The following MLF1 variants were observed in gnomAD, a reference collection of about 807,000 sequenced individuals.
MLF1 encodes myeloid leukemia factor 1.
In MLF1, 37 loss-of-function variants were observed where a neutral mutation model predicts 38.3. That is an observed-to-expected ratio of 0.96 (90% CI 0.74 to 1.27). The LOEUF (loss-of-function observed/expected upper bound fraction) is 1.27, where lower values mean the gene tolerates loss of function less well. MLF1 is among the 50% of genes most tolerant of loss of function. The pLI is 0.00. For missense variants in MLF1, 331 were observed against 349.2 expected (o/e 0.95, Z 0.42); for synonymous variants, 95 against 106.5 (o/e 0.89, Z 0.66).
chr3:158,579,001 C>A (rs1483269576), intron 1 of MLF1, among the ~76,000 whole-genome samples: 1 of 152,120 alleles, frequency 6.6e-6, no homozygotes, highest in Non-Finnish European at 1.5e-5. Flanking sequence ...TAAAGCATGA[C>A]TTTAGAGTCT....
chr3:158,584,409 T>C (rs182623478), intron 1 of MLF1, among the ~76,000 whole-genome samples: 1 of 152,260 alleles, frequency 6.6e-6, no homozygotes, highest in East Asian at 1.9e-4. Context: ...ATCAAAACTC[T>C]GGAGGAATAT....
At chr3:158,593,170 A>G (rs1718408167) in intron 2 of MLF1, among the ~76,000 whole-genome samples, 1 of 152,144 alleles carries the variant, frequency 6.6e-6, no homozygotes, top group South Asian at 2.1e-4. Flanking sequence ...ATATATTGTA[A>G]CCATTTTCTT....
intron 1 of MLF1, among the ~76,000 whole-genome samples, chr3:158,589,293 C>T (rs996930662): frequency 1.3e-5 from 2 of 152,006 alleles, no homozygotes; most frequent in African/African-American, 4.8e-5. Context: ...CTCATCACAA[C>T]CTCCACTTCC....
intron 1 of MLF1, among the ~76,000 whole-genome samples, chr3:158,575,671 G>T (rs1715319338): frequency 6.6e-6 from 1 of 152,104 alleles, no homozygotes; most frequent in Non-Finnish European, 1.5e-5. Context: ...TAACATTGTG[G>T]TGGGTGGGTC....
At position 158,602,803 on chromosome 3, in the gene MLF1, A is replaced by G. The variant is rs1322189436; in HGVS notation, c.614-4A>G. On this transcript the variant is annotated splice_region_variant and splice_polypyrimidine_tract_variant and intron_variant, in intron 6 of 7. Coordinates refer to ENST00000466246, the MANE Select transcript of MLF1 (RefSeq NM_001369783.1). ...TATTCCCATTATTTTTCTGTTTGAC[A>G]TAGGTGATGCTCATGCTTTTGATGA... 25 of 1,612,562 alleles carry G rather than the reference A, an allele frequency of 1.6e-5. No homozygotes were observed. The highest frequency in any genetic ancestry group is 2.1e-5 in the Non-Finnish European group (25 of 1,179,480).
At chr3:158,591,109 G>A (rs1454532260) in intron 1 of MLF1, 1 of 513,394 alleles carries the variant, frequency 1.9e-6, no homozygotes, top group Non-Finnish European at 3.9e-6. Context: ...GAATTTTTGA[G>A]CTTCCTCCTT....
rs199674283 is a variant in MLF1, at chr3:158,597,274, AT to A, written c.324+330del. ...AAATTTTTTAAAAATTGGAAAAAAA[AT>A]AACCTCAAAAACATTGATTCTATTG... On this transcript the variant is annotated intron_variant, in intron 4 of 7. Coordinates refer to ENST00000466246, the MANE Select transcript of MLF1 (RefSeq NM_001369783.1). 8.0e-3 allele frequency among the ~76,000 whole-genome samples: 1,222 copies of A among 152,196 alleles called. 20 individuals carry two copies. Among genetic ancestry groups the A allele is most frequent in the African/African-American group, 0.027 (1,102 of 41,542 alleles).
intron 1 of MLF1, among the ~76,000 whole-genome samples, chr3:158,580,469 A>G (rs1716167262): frequency 6.6e-6 from 1 of 152,148 alleles, no homozygotes; most frequent in African/African-American, 2.4e-5. Flanking sequence ...CGTGTGTACT[A>G]TTGATCTGTA....
intron 1 of MLF1, chr3:158,573,574 A>C (rs1016948204): frequency 1.3e-5 from 2 of 151,982 alleles, no homozygotes; most frequent in African/African-American, 4.8e-5. Flanking sequence ...AACTTTGGCC[A>C]TTGTTACAAA....
intron 7 of MLF1, 118 bp from the exon 8 acceptor site, chr3:158,604,979 A>C: frequency 1.3e-6 from 1 of 775,250 alleles, no homozygotes; most frequent in Non-Finnish European, 2.0e-6. Flanking sequence ...AAAGCCATTA[A>C]GGAATTTTTA....
intron 7 of MLF1, among the ~76,000 whole-genome samples, chr3:158,604,446 G>A (rs141768021): frequency 2.0e-4 from 30 of 152,262 alleles, no homozygotes; most frequent in African/African-American, 6.7e-4. Flanking sequence ...GCCACATGTG[G>A]CTGTTGATTC....
chr3:158,587,701 T>C (rs1184622668), intron 1 of MLF1, among the ~76,000 whole-genome samples: 1 of 152,210 alleles, frequency 6.6e-6, no homozygotes, highest in Non-Finnish European at 1.5e-5. Flanking sequence ...AAATTACATT[T>C]TTAAAAGAGC....
At chr3:158,585,504 A>T (rs1358515181) in intron 1 of MLF1, among the ~76,000 whole-genome samples, 2 of 152,210 alleles carry the variant, frequency 1.3e-5, no homozygotes, top group East Asian at 3.8e-4. Context: ...CTCTATAGCA[A>T]CACAAAAATT....
chr3:158,589,405 T>G (rs1277811229), intron 1 of MLF1, among the ~76,000 whole-genome samples: 3 of 151,794 alleles, frequency 2.0e-5, no homozygotes, highest in African/African-American at 7.3e-5. Flanking sequence ...AGAAACGGGG[T>G]TTCACCATGT....
At chr3:158,594,093 G>A (rs139820089) in intron 3 of MLF1, among the ~76,000 whole-genome samples, 1 of 151,902 alleles carries the variant, frequency 6.6e-6, no homozygotes, top group East Asian at 1.9e-4. Flanking sequence ...CTTGAAGTTT[G>A]GCATACAGGT....
chr3:158,588,312 T>G (rs1717568232), intron 1 of MLF1, among the ~76,000 whole-genome samples: 1 of 152,142 alleles, frequency 6.6e-6, no homozygotes, highest in African/African-American at 2.4e-5. Flanking sequence ...TCAACAGAAA[T>G]TGTGACATAA....
intron 1 of MLF1, among the ~76,000 whole-genome samples, chr3:158,579,335 T>G (rs1169797731): frequency 6.6e-6 from 1 of 152,124 alleles, no homozygotes; most frequent in Non-Finnish European, 1.5e-5. Context: ...AAGAGAAACA[T>G]TAAAGCCTTA....
intron 1 of MLF1, among the ~76,000 whole-genome samples, chr3:158,589,160 T>C (rs921788191): frequency 1.3e-5 from 2 of 152,202 alleles, no homozygotes; most frequent in African/African-American, 4.8e-5. Context: ...TATAGGATGG[T>C]TCAAATTCCA....
chr3:158,593,270 C>G, intron 2 of MLF1, 112 bp from the exon 3 acceptor site: 1 of 752,284 alleles, frequency 1.3e-6, no homozygotes, highest in Non-Finnish European at 2.0e-6. Context: ...AAAGATGAAT[C>G]TCAGCAATTG....
Sources: allele counts gnomAD v4.1 joint callset (sites outside exome capture counted in the v4.1 genomes callset), GRCh38; gene constraint gnomAD v4.1.1; transcripts MANE v1.5; gene names NCBI Gene and HGNC (gene_info 2026-07-23, HGNC 2026-07-21).